The following CACNA1B variants were observed in gnomAD, a reference collection of about 807,000 sequenced individuals.
CACNA1B encodes voltage-dependent N-type calcium channel subunit alpha-1B.
Under a neutral mutation model 247.2 loss-of-function variants are expected in CACNA1B, and 70 were observed. That is an observed-to-expected ratio of 0.28 (90% CI 0.23 to 0.35). The LOEUF (loss-of-function observed/expected upper bound fraction) is 0.35. Among genes scored for constraint, CACNA1B ranks in the 10% least tolerant of loss-of-function variants. CACNA1B has a pLI of 1.00. For synonymous variants in CACNA1B, 1,231 were observed against 1,294.4 expected, an observed-to-expected ratio of 0.95 and a Z score of 1.05; for missense variants, 2,367 against 3,197.4, an observed-to-expected ratio of 0.74 and a Z score of 6.26.
chr9:137,996,460 A>C (rs940793914), intron 15 of CACNA1B, among the ~76,000 whole-genome samples: 12 of 152,148 alleles, frequency 7.9e-5, no homozygotes, highest in Non-Finnish European at 1.6e-4. Context: ...GAGCTGAGTT[A>C]TGAGGATGCA....
intron 39 of CACNA1B, among the ~76,000 whole-genome samples, chr9:138,109,951 G>T (rs939840577): frequency 6.6e-6 from 1 of 152,032 alleles, no homozygotes; most frequent in Non-Finnish European, 1.5e-5. Flanking sequence ...GTCCCTGGGA[G>T]GCTGAGGCAG....
Position 137,979,645 on chromosome 9 carries a change from A to G in CACNA1B, c.1656+3626A>G, listed in dbSNP as rs138115724. The stretch of plus-strand genomic sequence containing the variant: ...TGCCCTCTGGCTCTCAGTAACTCAT[A>G]TCCTTCCCATTGTAAAACACCTTCA... On this transcript the variant is annotated intron_variant, in intron 12 of 46. Transcript: ENST00000371372. Among the ~76,000 whole-genome samples the G allele has an allele frequency of 4.8e-4, 73 of 152,204 alleles. No individual in the cohort carries two copies. In the East Asian group the frequency reaches 0.01, roughly 22 times the overall value.
intron 20 of CACNA1B, among the ~76,000 whole-genome samples, chr9:138,028,232 A>G (rs920921297): frequency 5.9e-5 from 9 of 151,930 alleles, no homozygotes; most frequent in African/African-American, 1.9e-4. Context: ...CGTGTTGGCC[A>G]GGCTGATCTT....
At chr9:137,939,643 CAAA>C (rs962961203) in intron 6 of CACNA1B, among the ~76,000 whole-genome samples, 5 of 146,328 alleles carry the variant, frequency 3.4e-5, no homozygotes, top group Admixed American at 1.4e-4. Context: ...ACCAAAAATA[CAAA>C]AAAAAAATTA....
At chr9:137,978,491 C>T (rs1312844510) in intron 12 of CACNA1B, among the ~76,000 whole-genome samples, 3 of 151,300 alleles carry the variant, frequency 2.0e-5, no homozygotes, top group African/African-American at 4.9e-5. Context: ...GAAGGAGTGC[C>T]CTCCCATGAA....
At chr9:137,989,973 G>A (rs1958413164) in intron 15 of CACNA1B, among the ~76,000 whole-genome samples, 1 of 152,226 alleles carries the variant, frequency 6.6e-6, no homozygotes, top group South Asian at 2.1e-4. Context: ...CTCCTGCTCG[G>A]ACAGACAGAA....
chr9:137,883,724 TG>T, intron 3 of CACNA1B, among the ~76,000 whole-genome samples: 1 of 152,194 alleles, frequency 6.6e-6, no homozygotes, highest in Admixed American at 6.5e-5. Flanking sequence ...AGCACTTCAG[TG>T]TCAGAGGCCC....
intron 3 of CACNA1B, among the ~76,000 whole-genome samples, chr9:137,902,343 C>A (rs1179570707): frequency 6.6e-6 from 1 of 152,072 alleles, no homozygotes; most frequent in African/African-American, 2.4e-5. Context: ...GGCTCCTAGC[C>A]CCTCCCCAAC....
At chr9:138,024,757 C>T (rs1958899705) in intron 19 of CACNA1B, among the ~76,000 whole-genome samples, 198 bp from the exon 20 acceptor site, 1 of 152,138 alleles carries the variant, frequency 6.6e-6, no homozygotes, top group Non-Finnish European at 1.5e-5. Flanking sequence ...GCCTTCCCAG[C>T]CTGAATAGCT....
chr9:137,905,757 G>T (rs370384009), intron 3 of CACNA1B, among the ~76,000 whole-genome samples: 1 of 152,118 alleles, frequency 6.6e-6, no homozygotes, highest in South Asian at 2.1e-4. Context: ...ATATTAATTC[G>T]GAAAATCTGA....
At chr9:137,906,347 G>A (rs140690271) in intron 3 of CACNA1B, among the ~76,000 whole-genome samples, 1 of 152,302 alleles carries the variant, frequency 6.6e-6, no homozygotes, top group Non-Finnish European at 1.5e-5. Context: ...GCTATAAGGT[G>A]AAGGGAGGGA....
At chr9:138,036,616 G>A (rs1361615627) in intron 20 of CACNA1B, among the ~76,000 whole-genome samples, 1 of 152,140 alleles carries the variant, frequency 6.6e-6, no homozygotes, top group African/African-American at 2.4e-5. Flanking sequence ...TGTTGTTTCT[G>A]TTGAGAAGCC....
In CACNA1B at chr9:137,919,227, G is replaced by GT. The variant is rs1275662620; in HGVS notation, c.966+1797dup. On this transcript the variant is annotated intron_variant, in intron 6 of 46. Coordinates refer to ENST00000371372, the MANE Select transcript of CACNA1B (RefSeq NM_000718.4). The surrounding 1 kb of genome is among the most constrained non-coding windows in gnomAD (Gnocchi z 4.6). ...CCAGCATGTGTTTCAGTAGGACCCAGTGAGTGCTGGCTCCGCTTACACAGT... is the reference window on the plus strand; with the variant it reads ...CCAGCATGTGTTTCAGTAGGACCCAGTTGAGTGCTGGCTCCGCTTACACAGT... Among the ~76,000 whole-genome samples the GT allele has an allele frequency of 6.6e-6, 1 of 152,274 alleles. No individual in the cohort carries two copies. The highest frequency in any genetic ancestry group is 1.5e-5 in the Non-Finnish European group (1 of 68,046).
At chr9:137,947,758 T>C (rs1957813602) in intron 6 of CACNA1B, among the ~76,000 whole-genome samples, 1 of 152,134 alleles carries the variant, frequency 6.6e-6, no homozygotes, top group African/African-American at 2.4e-5. Flanking sequence ...AAAAATATTA[T>C]GCCACTTCCT....
At chr9:137,943,796 A>G (rs1316724873) in intron 6 of CACNA1B, among the ~76,000 whole-genome samples, 1 of 152,138 alleles carries the variant, frequency 6.6e-6, no homozygotes, top group Non-Finnish European at 1.5e-5. Context: ...GCATTCTTTG[A>G]ACAATAGGCT....
At chr9:137,905,267 C>T (rs768411715) in intron 3 of CACNA1B, among the ~76,000 whole-genome samples, 2 of 151,576 alleles carry the variant, frequency 1.3e-5, no homozygotes, top group Non-Finnish European at 1.5e-5. Context: ...GCAGGAGAAT[C>T]GCTTGAACCC....
chr9:138,026,134 G>T (rs1414605923), intron 20 of CACNA1B, among the ~76,000 whole-genome samples: 2 of 152,260 alleles, frequency 1.3e-5, no homozygotes, highest in Non-Finnish European at 2.9e-5. Flanking sequence ...ACACACATGT[G>T]CATGACATTC....
In CACNA1B at chr9:138,120,616, C is replaced by T; in HGVS notation, c.6239-15C>T. 2.0e-6 allele frequency: 3 copies of T among 1,484,630 alleles called. No individual in the cohort carries two copies. The highest frequency in any genetic ancestry group is 2.7e-6 in the Non-Finnish European group (3 of 1,120,906). The allele number at this position is 1,484,630 out of a possible 1,614,324, so 92.0% of individuals were successfully genotyped here. On this transcript the variant is annotated splice_polypyrimidine_tract_variant and intron_variant, in intron 45 of 46. Transcript: ENST00000371372. ...TTGGGCCTGGCCGTGCTAACTTCTT[C>T]TCTTCCCTGGCCAGCACCAAGCAGT...
chr9:137,886,867 G>A (rs1340406057), intron 3 of CACNA1B, among the ~76,000 whole-genome samples: 6 of 152,180 alleles, frequency 3.9e-5, no homozygotes, highest in African/African-American at 1.4e-4. Flanking sequence ...GCCTGGAGGT[G>A]CCACTTTGCA....
Sources: allele counts gnomAD v4.1 joint callset (sites outside exome capture counted in the v4.1 genomes callset), GRCh38; gene constraint gnomAD v4.1.1; non-coding constraint Gnocchi (gnomAD v3.1); transcripts MANE v1.5; gene names NCBI Gene and HGNC (gene_info 2026-07-23, HGNC 2026-07-21).